RANBP2: variants seen among roughly 807,000 people sequenced by gnomAD.
The protein encoded by RANBP2 is RAN binding protein 2, also known as E3 SUMO-protein ligase RanBP2.
In RANBP2, 57 loss-of-function variants were observed where a neutral mutation model predicts 303.6. The ratio of observed to expected loss-of-function variants is 0.19; its 90% confidence interval spans 0.15 to 0.23. The LOEUF (loss-of-function observed/expected upper bound fraction) is 0.23. Ranked by LOEUF, RANBP2 falls within the 10% of genes least tolerant of loss-of-function variation. The pLI, the probability that RANBP2 is intolerant of heterozygous loss-of-function variation, is 1.00. For synonymous variants in RANBP2, 1,167 were observed against 1,301.5 expected (o/e 0.90, Z 2.23); for missense variants, 3,138 against 3,780.8 (o/e 0.83, Z 4.46).
chr2:109,272,814 G>A, the RANBP2 span, among the ~76,000 whole-genome samples: 1 of 152,188 alleles, frequency 6.6e-6, no homozygotes, highest in African/African-American at 2.4e-5. Context: ...CGCACACGCA[G>A]GACGTCAGGC....
the RANBP2 span, among the ~76,000 whole-genome samples, chr2:109,573,464 T>C: frequency 6.6e-6 from 1 of 152,182 alleles, no homozygotes; most frequent in African/African-American, 2.4e-5. Context: ...TCTGATCACA[T>C]GTGATCAGGT....
chr2:108,751,659 A>G lies in RANBP2; in HGVS notation c.1587A>G (p.Lys529=), dbSNP rs760028721. Residue 529 remains lysine (K), a synonymous_variant, in exon 11 of 29, where the codon AAA becomes AAG. Transcript: ENST00000283195. ...VCKQLCTERQ[K]SWWDAVCTLI... ...AACAGCTTTGTACAGAAAGACAAAA[A>G]TCTTGGTGGGATGCGGTTTGTACTC... The G allele has an allele frequency of 6.2e-7, 1 of 1,611,352 alleles. No homozygotes were observed.
At chr2:109,078,244 CGTGTATATATATATATATA>C in the RANBP2 span, among the ~76,000 whole-genome samples, 1 of 11,842 alleles carries the variant, frequency 8.4e-5, no homozygotes, top group Non-Finnish European at 1.4e-4. Flanking sequence ...ATATATATAG[CGTGTATATATATATATATA>C]GCGCGTATAT....
At chr2:109,491,931 T>C in the RANBP2 span, among the ~76,000 whole-genome samples, 5 of 152,112 alleles carry the variant, frequency 3.3e-5, no homozygotes, top group African/African-American at 1.2e-4. Context: ...CAGTGCCAGG[T>C]GGGGAATGAG....
At chr2:109,670,927 C>T in the RANBP2 span, among the ~76,000 whole-genome samples, 1 of 152,162 alleles carries the variant, frequency 6.6e-6, no homozygotes, top group African/African-American at 2.4e-5. Context: ...GTTCCTGTGG[C>T]TTGGGGAGCT....
At chr2:109,034,983 A>C in the RANBP2 span, among the ~76,000 whole-genome samples, 1 of 152,180 alleles carries the variant, frequency 6.6e-6, no homozygotes, top group Admixed American at 6.5e-5. Context: ...GGGCTTAGGT[A>C]GGTCTGACAC....
chr2:109,191,157 C>T, the RANBP2 span, among the ~76,000 whole-genome samples: 1 of 152,048 alleles, frequency 6.6e-6, no homozygotes, highest in Non-Finnish European at 1.5e-5. Context: ...AGAGGGTCCC[C>T]AACGTGCTAT....
At chr2:109,524,444 C>CAAAAA in the RANBP2 span, among the ~76,000 whole-genome samples, 28 of 84,328 alleles carry the variant, frequency 3.3e-4, 1 homozygote, top group African/African-American at 1.1e-3. Context: ...GACCCTGTCT[C>CAAAAA]AAAAAAAAAA....
chr2:109,325,868 G>A, the RANBP2 span, among the ~76,000 whole-genome samples: 1 of 152,220 alleles, frequency 6.6e-6, no homozygotes, highest in African/African-American at 2.4e-5. Context: ...TCACTCCTGG[G>A]AAAAAGTTCA....
At chr2:109,132,523 G>A in the RANBP2 span, among the ~76,000 whole-genome samples, 1 of 152,160 alleles carries the variant, frequency 6.6e-6, no homozygotes, top group African/African-American at 2.4e-5. Flanking sequence ...AAGCGCTTTT[G>A]TGGAGTCAGT....
chr2:109,417,628 T>C, the RANBP2 span, among the ~76,000 whole-genome samples: 1 of 152,144 alleles, frequency 6.6e-6, no homozygotes, highest in Non-Finnish European at 1.5e-5. Flanking sequence ...TCTCACAGTG[T>C]CTGCATTGCA....
the RANBP2 span, among the ~76,000 whole-genome samples, chr2:108,828,217 AT>A: frequency 6.6e-6 from 1 of 152,254 alleles, no homozygotes; most frequent in African/African-American, 2.4e-5. Context: ...AAACCCAAAA[AT>A]ATAACATTAA....
the RANBP2 span, among the ~76,000 whole-genome samples, chr2:109,452,604 G>A: frequency 6.6e-6 from 1 of 152,202 alleles, no homozygotes; most frequent in Non-Finnish European, 1.5e-5. Flanking sequence ...TCTCCTAGGA[G>A]CGTGGGAGAT....
chr2:109,215,791 G>C, the RANBP2 span, among the ~76,000 whole-genome samples: 5 of 152,304 alleles, frequency 3.3e-5, no homozygotes, highest in East Asian at 9.6e-4. Flanking sequence ...GGAGGGATGA[G>C]CTGGGATTTG....
At chr2:109,732,783 C>A in the RANBP2 span, 1 of 890,996 alleles carries the variant, frequency 1.1e-6, no homozygotes. Flanking sequence ...TTGGAACAGA[C>A]TTTTGGCTAC....
At chr2:109,452,862 GGGAGGCTGGTGCCAGGAGGCTGGTCCCA>G in the RANBP2 span, among the ~76,000 whole-genome samples, 1 of 148,454 alleles carries the variant, frequency 6.7e-6, no homozygotes, top group Non-Finnish European at 1.5e-5. Flanking sequence ...GGCTGGTCCC[GGGAGGCTGGTGCCAGGAGGCTGGTCCCA>G]GGAGGCTGGT....
chr2:109,615,623 C>T, the RANBP2 span: 1 of 1,613,740 alleles, frequency 6.2e-7, no homozygotes, highest in Non-Finnish European at 8.5e-7. Context: ...GGAAAAAGGC[C>T]TCCCAGTACC....
the RANBP2 span, among the ~76,000 whole-genome samples, chr2:109,371,402 AAAAG>A: frequency 2.0e-5 from 3 of 152,138 alleles, no homozygotes; most frequent in African/African-American, 2.4e-5. Context: ...CCTCCAAACA[AAAAG>A]AAAGAAAGAG....
the RANBP2 span, among the ~76,000 whole-genome samples, chr2:109,626,400 C>T: frequency 6.6e-6 from 1 of 152,036 alleles, no homozygotes; most frequent in Admixed American, 6.6e-5. Flanking sequence ...ACCCAGGAGG[C>T]GGAGGTTAGA....
Sources: gnomAD v4.1 joint callset for allele counts (sites outside exome capture counted in the v4.1 genomes callset) on GRCh38, gnomAD v4.1.1 for gene constraint, MANE v1.5 for transcripts, NCBI Gene and HGNC (gene_info 2026-07-23, HGNC 2026-07-21) for gene names.